The following ORC5 variants were observed in gnomAD, a reference collection of about 807,000 sequenced individuals.
The protein encoded by ORC5 is protein phosphatase 1, regulatory subunit 117.
ORC5 carries 39 observed loss-of-function variants against 58.8 expected under a neutral mutation model. That is an observed-to-expected ratio of 0.66 (90% CI 0.51 to 0.87). The LOEUF (loss-of-function observed/expected upper bound fraction) is 0.87. ORC5 is among the 40% of genes least tolerant of loss of function. The pLI is 0.00. For missense variants in ORC5, 493 were observed against 506.3 expected (o/e 0.97, Z 0.25); for synonymous variants, 218 against 177.6 (o/e 1.23, Z -1.81).
At chr7:104,206,631 G>A (rs1800091495) in intron 1 of ORC5, among the ~76,000 whole-genome samples, 1 of 152,208 alleles carries the variant, frequency 6.6e-6, no homozygotes, top group African/African-American at 2.4e-5. Flanking sequence ...TTTAGACAGA[G>A]GGTAGTACTT....
Position 104,173,847 on chromosome 7 carries a change from T to TAA in ORC5, c.825-5323_825-5322insTT, listed in dbSNP as rs1562818110. Among the ~76,000 whole-genome samples, 195 of 138,826 alleles carry TAA rather than the reference T, an allele frequency of 1.4e-3. 1 individual carries two copies. Among genetic ancestry groups the TAA allele is most frequent in the African/African-American group, 4.9e-3 (178 of 36,472 alleles). The allele number at this position is 138,826 out of a possible 152,430, so 91.1% of individuals were successfully genotyped here. A position where few individuals can be genotyped will look rare whatever the true frequency, so the allele number is the denominator to read the frequency against. On this transcript the variant is annotated intron_variant, in intron 8 of 13. Coordinates refer to ENST00000297431, the MANE Select transcript of ORC5 (RefSeq NM_002553.4). Reference sequence around the variant, plus strand: ...CATACCTGGGTTTAAAATTTTTTCTTTTTTTTTTTTTTTTTGAGACGGAGT... The same window carrying TAA: ...CATACCTGGGTTTAAAATTTTTTCTTAATTTTTTTTTTTTTTTGAGACGGAGT...
At chr7:104,179,486 T>C (rs1799391307) in intron 8 of ORC5, among the ~76,000 whole-genome samples, 1 of 152,040 alleles carries the variant, frequency 6.6e-6, no homozygotes, top group Admixed American at 6.5e-5. Context: ...CATAAATATA[T>C]CCCTCAATCC....
At chr7:104,153,298 C>A (rs1798874403) in intron 12 of ORC5, among the ~76,000 whole-genome samples, 1 of 152,108 alleles carries the variant, frequency 6.6e-6, no homozygotes, top group African/African-American at 2.4e-5. Flanking sequence ...TATGTCCACA[C>A]CAGGGGTAGT....
chr7:104,190,667 C>T (rs183047772), intron 5 of ORC5, among the ~76,000 whole-genome samples: 45 of 152,110 alleles, frequency 3.0e-4, no homozygotes, highest in African/African-American at 9.6e-4. Flanking sequence ...TTGTAAGATC[C>T]TCTGACTTCT....
Position 104,136,229 on chromosome 7 carries a change from G to A in ORC5, c.1262+552C>T, listed in dbSNP as rs1798586150. 6.6e-6 allele frequency among the ~76,000 whole-genome samples: 1 copy of A among 151,974 alleles called. No individual in the cohort carries two copies. Among genetic ancestry groups the A allele is most frequent in the African/African-American group, 2.4e-5 (1 of 41,370 alleles). ...CACACTCTGTCCTTCAGTCAGGGAT[G>A]TGACACAATTCCTCATTCTACCACT... On this transcript the variant is annotated intron_variant, in intron 13 of 13. Transcript: ENST00000297431. The surrounding 1 kb of genome is among the most constrained non-coding windows in gnomAD (Gnocchi z 4.2).
chr7:104,207,876 C>T lies in ORC5; in HGVS notation c.29G>A (p.Cys10Tyr), dbSNP rs1471116243. Residue 10 changes from cysteine (C) to tyrosine (Y), a missense_variant, in exon 1 of 14, where the codon TGT (cysteine) becomes TAT (tyrosine). By Grantham distance (194) the Cys-to-Tyr change is radical. Coordinates refer to ENST00000297431, the MANE Select transcript of ORC5 (RefSeq NM_002553.4). MPHLENVVLCRESQVSILQS... is the reference protein window; with the variant it reads MPHLENVVLYRESQVSILQS... Reference sequence around the variant, plus strand: ...CAAGATGGACACTTGAGACTCGCGACAAAGCACCACGTTTTCCAAGTGGGG... The same window carrying T: ...CAAGATGGACACTTGAGACTCGCGATAAAGCACCACGTTTTCCAAGTGGGG... 5.0e-6 allele frequency: 8 copies of T among 1,614,206 alleles called. No homozygotes were observed. Among genetic ancestry groups the T allele is most frequent in the Non-Finnish European group, 5.9e-6 (7 of 1,180,044 alleles).
intron 5 of ORC5, among the ~76,000 whole-genome samples, chr7:104,188,988 G>C (rs1050336514): frequency 4.6e-5 from 7 of 152,034 alleles, no homozygotes; most frequent in Non-Finnish European, 1.0e-4. Context: ...AGCCTGTACA[G>C]CCCACAGACT....
chr7:104,154,599 T>C (rs1798894523), intron 12 of ORC5, among the ~76,000 whole-genome samples: 1 of 151,944 alleles, frequency 6.6e-6, no homozygotes, highest in African/African-American at 2.4e-5. Context: ...TGTATTCTCT[T>C]TATCCAAGAC....
chr7:104,164,032 T>C (rs1338369661), intron 11 of ORC5, among the ~76,000 whole-genome samples: 1 of 152,240 alleles, frequency 6.6e-6, no homozygotes, highest in Non-Finnish European at 1.5e-5. Flanking sequence ...CATGTCATGA[T>C]TGTTAGACAT....
At chr7:104,173,026 G>A (rs1366742208) in intron 8 of ORC5, among the ~76,000 whole-genome samples, 1 of 148,528 alleles carries the variant, frequency 6.7e-6, no homozygotes, top group Non-Finnish European at 1.5e-5. Context: ...GTAACATAAT[G>A]GAGTCACATG....
intron 12 of ORC5, among the ~76,000 whole-genome samples, chr7:104,151,464 G>A (rs941495762): frequency 5.3e-5 from 8 of 151,494 alleles, no homozygotes; most frequent in Admixed American, 2.0e-4. Flanking sequence ...AAAATGAGAC[G>A]GTTCAGAGAT....
chr7:104,197,575 A>C, intron 4 of ORC5, 150 bp downstream of exon 4: 1 of 526,062 alleles, frequency 1.9e-6, no homozygotes, highest in Non-Finnish European at 3.3e-6. Context: ...TTACTATGAA[A>C]AAAACACTGA....
At chr7:104,172,198 T>G (rs533116706) in intron 8 of ORC5, among the ~76,000 whole-genome samples, 4 of 152,346 alleles carry the variant, frequency 2.6e-5, no homozygotes, top group African/African-American at 9.6e-5. Flanking sequence ...GTGGTTCTAT[T>G]AGCTCTCTTT....
At chr7:104,207,626 C>G (rs1800123149) in intron 1 of ORC5, among the ~76,000 whole-genome samples, 1 of 152,204 alleles carries the variant, frequency 6.6e-6, no homozygotes, top group Non-Finnish European at 1.5e-5. Flanking sequence ...TCCTATAGTG[C>G]AGGCCGGTCG....
chr7:104,140,795 C>T (rs1258237433), intron 12 of ORC5, among the ~76,000 whole-genome samples: 1 of 152,142 alleles, frequency 6.6e-6, no homozygotes, highest in Non-Finnish European at 1.5e-5. Flanking sequence ...TAGGGTGCAA[C>T]AAGAGTTTTT....
chr7:104,150,639 T>G (rs150155110), intron 12 of ORC5, among the ~76,000 whole-genome samples: 83 of 152,180 alleles, frequency 5.5e-4, no homozygotes, highest in African/African-American at 1.9e-3. Flanking sequence ...CAACTGAAGA[T>G]AAAGCCTCTA....
intron 8 of ORC5, 86 bp from the exon 9 acceptor site, chr7:104,168,611 AT>A: frequency 3.0e-6 from 2 of 666,964 alleles, no homozygotes; most frequent in Non-Finnish European, 4.7e-6. Context: ...GAAAAACTAA[AT>A]TTTTTTATTT....
intron 5 of ORC5, among the ~76,000 whole-genome samples, chr7:104,193,744 T>C (rs941734168): frequency 1.3e-5 from 2 of 150,994 alleles, no homozygotes; most frequent in Admixed American, 6.6e-5. Context: ...AAACTGAATA[T>C]GTAAAACCCC....
chr7:104,131,851 CAAAAAAAAAAAAA>C (rs1189618678), intron 13 of ORC5, among the ~76,000 whole-genome samples: 1 of 115,602 alleles, frequency 8.7e-6, no homozygotes, highest in African/African-American at 3.0e-5. Flanking sequence ...GATTCTGTCT[CAAAAAAAAAAAAA>C]GAAAAAGAAA....
Sources: gnomAD v4.1 joint callset for allele counts (sites outside exome capture counted in the v4.1 genomes callset) on GRCh38, gnomAD v4.1.1 for gene constraint, Gnocchi (gnomAD v3.1) non-coding constraint, MANE v1.5 for transcripts, NCBI Gene and HGNC (gene_info 2026-07-23, HGNC 2026-07-21) for gene names.